The following ITK variants were observed in gnomAD, a reference collection of about 807,000 sequenced individuals.
The protein encoded by ITK is tyrosine-protein kinase ITK/TSK.
A neutral mutation model predicts 87.6 loss-of-function variants in ITK; 45 were observed. That is an observed-to-expected ratio of 0.51 (90% confidence interval 0.40 to 0.66). The LOEUF is 0.66. Ranked by LOEUF, ITK falls within the 30% of genes least tolerant of loss-of-function variation. The pLI, the probability that ITK is intolerant of heterozygous loss-of-function variation, is 0.00. For missense variants in ITK, 605 were observed against 766.3 expected, an observed-to-expected ratio of 0.79 and a Z score of 2.48; for synonymous variants, 303 against 273.6, an observed-to-expected ratio of 1.11 and a Z score of -1.06.
In ITK at chr5:157,244,472, A is replaced by T; in HGVS notation, c.1443A>T (p.Arg481Ser). 6.3e-7 allele frequency: 1 copy of T among 1,597,344 alleles called. No individual in the cohort carries two copies. Among genetic ancestry groups the T allele is most frequent in the Non-Finnish European group, 8.6e-7 (1 of 1,164,720 alleles). ...TGGAAGAGGCATGTGTCATCCACAGAGACTTGGTATGAGCATGCAGGGTGA... is the reference window on the plus strand; with the variant it reads ...TGGAAGAGGCATGTGTCATCCACAGTGACTTGGTATGAGCATGCAGGGTGA... ...AYLEEACVIHRDLAARNCLVG... is the reference protein window; with the variant it reads ...AYLEEACVIHSDLAARNCLVG... Residue 481 changes from arginine (R) to serine (S), a missense_variant, in exon 13 of 17, where the codon AGA becomes AGT. This residue lies in a region of ITK where 70 missense variants were observed against 122.5 expected (regional missense o/e 0.57). Coordinates refer to ENST00000422843, the MANE Select transcript of ITK (RefSeq NM_005546.4).
chr5:157,236,665 T>G (rs984627834), intron 8 of ITK, among the ~76,000 whole-genome samples: 3 of 152,220 alleles, frequency 2.0e-5, no homozygotes, highest in African/African-American at 7.2e-5. Context: ...CAGTGCAAGT[T>G]TACAGCGGGG....
chr5:157,233,169 C>T (rs1754694016), intron 8 of ITK, among the ~76,000 whole-genome samples: 1 of 152,138 alleles, frequency 6.6e-6, no homozygotes, highest in Admixed American at 6.5e-5. Flanking sequence ...TCCTTCTGGG[C>T]CTCGGTTTCT....
chr5:157,247,778 A>G (rs776741134), intron 15 of ITK, among the ~76,000 whole-genome samples: 1 of 152,214 alleles, frequency 6.6e-6, no homozygotes. Flanking sequence ...ACTTTGTCCT[A>G]CGTTTTAAGT....
chr5:157,229,875 T>A (rs1284323629), intron 7 of ITK, among the ~76,000 whole-genome samples: 1 of 152,120 alleles, frequency 6.6e-6, no homozygotes, highest in African/African-American at 2.4e-5. Flanking sequence ...GATTGCACCA[T>A]TGAACTCCAG....
At chr5:157,211,677 A>G (rs541451258) in intron 3 of ITK, among the ~76,000 whole-genome samples, 13 of 152,346 alleles carry the variant, frequency 8.5e-5, no homozygotes, top group African/African-American at 2.9e-4. Flanking sequence ...AGTAAAACCT[A>G]AAATATTTAC....
At chr5:157,222,787 C>G in intron 5 of ITK, 76 bp from the exon 6 acceptor site, 2 of 1,455,440 alleles carry the variant, frequency 1.4e-6, no homozygotes, top group Non-Finnish European at 9.6e-7. Flanking sequence ...ACTGTCTCCC[C>G]AGACACCCCG....
intron 1 of ITK, among the ~76,000 whole-genome samples, chr5:157,187,087 C>T (rs1753660713): frequency 6.6e-6 from 1 of 152,236 alleles, no homozygotes; most frequent in African/African-American, 2.4e-5. Context: ...TTAAAGCCTC[C>T]GTTTTAAGTG....
chr5:157,213,572 G>A (rs1236339587), intron 3 of ITK: 1 of 454,250 alleles, frequency 2.2e-6, no homozygotes, highest in African/African-American at 2.0e-5. Flanking sequence ...GGTAGAAAAG[G>A]GGTCTCGCTA....
chr5:157,193,895 A>ATAGT (rs910410623), intron 1 of ITK, among the ~76,000 whole-genome samples: 3 of 152,218 alleles, frequency 2.0e-5, no homozygotes, highest in African/African-American at 7.2e-5. Context: ...AAAAACCACA[A>ATAGT]TAGTTAGCAT....
chr5:157,213,488 C>A, intron 3 of ITK: 1 of 408,936 alleles, frequency 2.4e-6, no homozygotes, highest in South Asian at 1.9e-5. Flanking sequence ...AGTGATCCTC[C>A]CACTTCAGCC....
chr5:157,236,557 C>T (rs983993971), intron 8 of ITK, among the ~76,000 whole-genome samples: 1 of 152,052 alleles, frequency 6.6e-6, no homozygotes, highest in African/African-American at 2.4e-5. Context: ...CAAGTGTATG[C>T]CCTCCGCACA....
chr5:157,204,148 C>A (rs1479865795), intron 1 of ITK, among the ~76,000 whole-genome samples: 1 of 152,184 alleles, frequency 6.6e-6, no homozygotes, highest in Admixed American at 6.5e-5. Context: ...GTAGCTGGGA[C>A]TACAGGTGCA....
intron 2 of ITK, among the ~76,000 whole-genome samples, chr5:157,210,114 T>C (rs1754158904): frequency 6.6e-6 from 1 of 152,086 alleles, no homozygotes; most frequent in African/African-American, 2.4e-5. Flanking sequence ...TTAGTAGAGA[T>C]GGGGTTTCAC....
At chr5:157,204,461 A>T (rs1346885913) in intron 1 of ITK, among the ~76,000 whole-genome samples, 1 of 152,162 alleles carries the variant, frequency 6.6e-6, no homozygotes, top group African/African-American at 2.4e-5. Context: ...GCACTTTGGG[A>T]GGTTGAGGTG....
At chr5:157,216,675 A>G (rs139313164) in intron 4 of ITK, among the ~76,000 whole-genome samples, 3 of 152,270 alleles carry the variant, frequency 2.0e-5, no homozygotes, top group East Asian at 1.9e-4. Flanking sequence ...ACGAAGAAAG[A>G]GAGACCAGTC....
At chr5:157,243,924 CAGAGA>C in intron 12 of ITK, 130 bp downstream of exon 12, 1 of 847,620 alleles carries the variant, frequency 1.2e-6, no homozygotes, top group Admixed American at 2.0e-5. Flanking sequence ...TCCTATTGCA[CAGAGA>C]ATACAATCAA....
chr5:157,212,363 C>T (rs1278795173), intron 3 of ITK, among the ~76,000 whole-genome samples: 1 of 152,190 alleles, frequency 6.6e-6, no homozygotes, highest in East Asian at 1.9e-4. Context: ...TCTGGAGCTG[C>T]AATTCCTCTA....
chr5:157,218,027 G>C, intron 5 of ITK, 120 bp downstream of exon 5: 1 of 919,076 alleles, frequency 1.1e-6, no homozygotes, highest in Non-Finnish European at 1.8e-6. Flanking sequence ...GCAGCAGGCT[G>C]TCATGATTCA....
At chr5:157,202,243 T>G (rs1753990867) in intron 1 of ITK, among the ~76,000 whole-genome samples, 1 of 152,170 alleles carries the variant, frequency 6.6e-6, no homozygotes, top group Admixed American at 6.5e-5. Flanking sequence ...AGACAGAGTC[T>G]TACTCTGTCA....
Sources: gnomAD v4.1 joint callset for allele counts (sites outside exome capture counted in the v4.1 genomes callset) on GRCh38, gnomAD v4.1.1 for gene constraint, gnomAD v4.1.1 regional missense constraint, MANE v1.5 for transcripts, NCBI Gene and HGNC (gene_info 2026-07-23, HGNC 2026-07-21) for gene names.